Variants in KIF6 observed in about 807,000 individuals in gnomAD.
KIF6 encodes the protein kinesin family member 6.
Under a neutral mutation model 112.7 loss-of-function variants are expected in KIF6, and 106 were observed. That is an observed-to-expected ratio of 0.94 (90% CI 0.80 to 1.11). KIF6 has a LOEUF of 1.11. Among genes scored for constraint, KIF6 ranks in the 50% least tolerant of loss-of-function variants. The probability of loss-of-function intolerance (pLI) is 0.00; values close to 1 mark genes in which losing one functional copy is unlikely to be tolerated. For missense variants in KIF6, 929 were observed against 964.0 expected, an observed-to-expected ratio of 0.96 and a Z score of 0.48; for synonymous variants, 339 against 339.9, an observed-to-expected ratio of 1.00 and a Z score of 0.03.
At chr6:39,435,262 A>G (rs1195801184) in intron 13 of KIF6, among the ~76,000 whole-genome samples, 2 of 152,192 alleles carry the variant, frequency 1.3e-5, no homozygotes, top group South Asian at 2.1e-4. Flanking sequence ...TTTTTACAAT[A>G]TCACAGAAAA....
At chr6:39,542,169 A>G (rs1047813663) in intron 12 of KIF6, among the ~76,000 whole-genome samples, 7 of 152,154 alleles carry the variant, frequency 4.6e-5, no homozygotes, top group Non-Finnish European at 7.4e-5. Flanking sequence ...CCCCTTGAAG[A>G]CTTTAATGAG....
At chr6:39,661,336 A>G (rs1786133904) in intron 3 of KIF6, among the ~76,000 whole-genome samples, 1 of 152,212 alleles carries the variant, frequency 6.6e-6, no homozygotes, top group African/African-American at 2.4e-5. Flanking sequence ...GATTATAGAA[A>G]TAGTATATGT....
chr6:39,529,820 T>G (rs928951839), intron 13 of KIF6, among the ~76,000 whole-genome samples: 4 of 152,206 alleles, frequency 2.6e-5, no homozygotes, highest in African/African-American at 9.6e-5. Flanking sequence ...GACATTCCTC[T>G]TAAGAAGACA....
intron 3 of KIF6, among the ~76,000 whole-genome samples, chr6:39,664,873 G>C (rs537015926): frequency 3.9e-5 from 6 of 152,042 alleles, no homozygotes; most frequent in African/African-American, 1.4e-4. Flanking sequence ...TTCTCTAAAA[G>C]ATATTTATTT....
chr6:39,346,088 C>CCCCTCCCT (rs1763733750), intron 20 of KIF6, among the ~76,000 whole-genome samples: 1 of 34,486 alleles, frequency 2.9e-5, no homozygotes, highest in Non-Finnish European at 5.1e-5. Context: ...CTCTCTCTCC[C>CCCCTCCCT]CCCCCTCTCC....
In KIF6 at chr6:39,331,849, T is replaced by C. The variant is rs944349033; in HGVS notation, c.*4683A>G. ...AAGGAATTACAAGGAGCATTTTTTC[T>C]GCCTAGATTTGAAACACACACCCAT... On this transcript the variant is annotated 3_prime_UTR_variant, in exon 23 of 23. Transcript: ENST00000287152. 1 of 152,246 alleles carries C rather than the reference T, an allele frequency of 6.6e-6. No homozygotes were observed. Among genetic ancestry groups the C allele is most frequent in the African/African-American group, 2.4e-5 (1 of 41,456 alleles). The allele number at this position is 152,246 out of a possible 1,614,324, so 9.4% of individuals were successfully genotyped here. A position where few individuals can be genotyped will look rare whatever the true frequency, so the allele number is the denominator to read the frequency against.
intron 1 of KIF6, among the ~76,000 whole-genome samples, chr6:39,722,215 T>G (rs1426810428): frequency 3.3e-5 from 5 of 151,576 alleles, no homozygotes. Flanking sequence ...CATACAAGAG[T>G]GAGGAGTTAC....
At position 39,491,387 on chromosome 6, in the gene KIF6, T is replaced by C. The variant is rs151317152; in HGVS notation, c.1645+48616A>G. On this transcript the variant is annotated intron_variant, in intron 13 of 22. Coordinates refer to ENST00000287152, the MANE Select transcript of KIF6 (RefSeq NM_145027.6). ...CACATTGTTCCAGGTCCAGCCACCA[T>C]TGGACTGTAAACACATGAGCAGCCC... 3.6e-3 allele frequency among the ~76,000 whole-genome samples: 545 copies of C among 152,250 alleles called. 1 individual carries two copies. The highest frequency in any genetic ancestry group is 0.012 in the African/African-American group (518 of 41,552).
chr6:39,635,452 T>C (rs1009974831), intron 4 of KIF6, among the ~76,000 whole-genome samples: 1 of 152,090 alleles, frequency 6.6e-6, no homozygotes, highest in Non-Finnish European at 1.5e-5. Flanking sequence ...TCTGATGACA[T>C]AAATAGATAA....
intron 10 of KIF6, among the ~76,000 whole-genome samples, chr6:39,577,010 T>C (rs891688378): frequency 1.3e-5 from 2 of 152,254 alleles, no homozygotes; most frequent in Admixed American, 6.5e-5. Flanking sequence ...TCAATATCTA[T>C]GATATCCCAA....
intron 3 of KIF6, among the ~76,000 whole-genome samples, chr6:39,673,901 A>G (rs1431862535): frequency 6.6e-6 from 1 of 152,172 alleles, no homozygotes; most frequent in Non-Finnish European, 1.5e-5. Context: ...GCCAATAATA[A>G]AAAATGAGAT....
rs187885172 is a variant in KIF6, at chr6:39,565,460, C to T, written c.1181+12596G>A. ...AGGACAGATCCAAATCTCCATTTTC[C>T]GCAAGCCCAGGGAATCAAACAGGAG... On this transcript the variant is annotated intron_variant, in intron 10 of 22. Coordinates refer to ENST00000287152, the MANE Select transcript of KIF6 (RefSeq NM_145027.6). Among the ~76,000 whole-genome samples, 32 of 152,210 alleles carry T rather than the reference C, an allele frequency of 2.1e-4. 1 individual carries two copies. The highest frequency in any genetic ancestry group is 2.6e-4 in the Admixed American group (4 of 15,278).
chr6:39,539,124 A>G (rs773480369), intron 13 of KIF6, among the ~76,000 whole-genome samples: 20 of 150,528 alleles, frequency 1.3e-4, no homozygotes, highest in Non-Finnish European at 2.4e-4. Context: ...GCTAAATGAC[A>G]AGTTAATGGG....
In KIF6 at chr6:39,391,573, T is replaced by C. The variant is rs534391532; in HGVS notation, c.1811-5901A>G. Among the ~76,000 whole-genome samples the C allele has an allele frequency of 2.0e-3, 306 of 152,294 alleles. 1 individual carries two copies. The highest frequency in any genetic ancestry group is 7.2e-3 in the African/African-American group (298 of 41,566). The stretch of plus-strand genomic sequence containing the variant: ...TGTCTTTACTGGAGTTGATTCTGGA[T>C]TGGGGGCCTGGAGGGTCTGTCAGCC... On this transcript the variant is annotated intron_variant, in intron 15 of 22. Transcript: ENST00000287152.
At chr6:39,567,123 G>T (rs936435179) in intron 10 of KIF6, among the ~76,000 whole-genome samples, 1 of 152,168 alleles carries the variant, frequency 6.6e-6, no homozygotes, top group Non-Finnish European at 1.5e-5. Flanking sequence ...TTCTATAAAT[G>T]AAGTAGATTC....
chr6:39,664,249 G>T (rs1786325025), intron 3 of KIF6, among the ~76,000 whole-genome samples: 1 of 152,080 alleles, frequency 6.6e-6, no homozygotes, highest in South Asian at 2.1e-4. Context: ...AGAAGAAATA[G>T]AAGGTAAGGT....
At chr6:39,598,605 G>GTATCTATA (rs893341404) in intron 6 of KIF6, among the ~76,000 whole-genome samples, 1 of 151,504 alleles carries the variant, frequency 6.6e-6, no homozygotes, top group African/African-American at 2.4e-5. Context: ...GTGTGTGTGT[G>GTATCTATA]TATCTATATA....
intron 13 of KIF6, among the ~76,000 whole-genome samples, chr6:39,536,877 G>A (rs1413208876): frequency 1.3e-5 from 2 of 152,106 alleles, no homozygotes; most frequent in African/African-American, 4.8e-5. Flanking sequence ...ATGATCGAGT[G>A]GGCTTCATCC....
At chr6:39,401,997 T>C (rs1030526331) in intron 15 of KIF6, among the ~76,000 whole-genome samples, 1 of 152,166 alleles carries the variant, frequency 6.6e-6, no homozygotes, top group African/African-American at 2.4e-5. Context: ...TTTTCTGGCC[T>C]GGCAAATAGG....
Sources: allele counts gnomAD v4.1 joint callset (sites outside exome capture counted in the v4.1 genomes callset), GRCh38; gene constraint gnomAD v4.1.1; transcripts MANE v1.5; gene names NCBI Gene and HGNC (gene_info 2026-07-23, HGNC 2026-07-21).